ITIH5: variants seen among roughly 807,000 people sequenced by gnomAD.
ITIH5 encodes inter-alpha-trypsin inhibitor heavy chain 5.
ITIH5 carries 65 observed loss-of-function variants against 77.5 expected under a neutral mutation model. The observed-to-expected ratio is 0.84, with a 90% CI of 0.69 to 1.03. The LOEUF (loss-of-function observed/expected upper bound fraction) is 1.03. ITIH5 is among the 50% of genes least tolerant of loss of function. The pLI, the probability that ITIH5 is intolerant of heterozygous loss-of-function variation, is 0.00. For synonymous variants in ITIH5, 525 were observed against 494.3 expected (o/e 1.06, Z -0.82); for missense variants, 1,208 against 1,213.1 (o/e 1.00, Z 0.06).
At chr10:7,596,926 A>T (rs1832910543) in intron 7 of ITIH5, among the ~76,000 whole-genome samples, 1 of 151,552 alleles carries the variant, frequency 6.6e-6, no homozygotes, top group East Asian at 1.9e-4. Context: ...GCATGCCTGT[A>T]ATCCCAGCTA....
chr10:7,569,449 T>C, intron 12 of ITIH5: 2 of 416,128 alleles, frequency 4.8e-6, no homozygotes, highest in Non-Finnish European at 8.5e-6. Context: ...GGGAAACAAC[T>C]CCCAAGGCAT....
At position 7,559,937 on chromosome 10, in the gene ITIH5, C is replaced by T. The variant is rs771546680; in HGVS notation, c.*3146G>A. 31 of 437,502 alleles carry T rather than the reference C, an allele frequency of 7.1e-5. No individual in the cohort carries two copies. Among genetic ancestry groups the T allele is most frequent in the Non-Finnish European group, 1.1e-4 (25 of 220,202 alleles). The allele number at this position is 437,502 out of a possible 1,614,324, so 27.1% of individuals were successfully genotyped here. On this transcript the variant is annotated 3_prime_UTR_variant, in exon 14 of 14. Coordinates refer to ENST00000397146, the MANE Select transcript of ITIH5 (RefSeq NM_030569.7). ...CGTGATCTTGGCTCACTACAAGTTC[C>T]GACTGCCTGGTTCAAGCGATTCTCC...
At chr10:7,602,107 G>C (rs1403567965) in intron 7 of ITIH5, among the ~76,000 whole-genome samples, 3 of 152,126 alleles carry the variant, frequency 2.0e-5, no homozygotes, top group Admixed American at 1.3e-4. Context: ...GCCTGCCTCA[G>C]CCTCCCAAAG....
In ITIH5 at chr10:7,562,997, G is replaced by T. The variant is rs1247516154; in HGVS notation, c.*86C>A. On this transcript the variant is annotated 3_prime_UTR_variant, in exon 14 of 14. Transcript: ENST00000397146. ...AGTCCAGCTAATTGCCAGGAGCTGAGGCGTGTACAAGCCATGAAAAGAGCT... is the reference window on the plus strand; with the variant it reads ...AGTCCAGCTAATTGCCAGGAGCTGATGCGTGTACAAGCCATGAAAAGAGCT... The T allele has an allele frequency of 1.3e-5, 15 of 1,179,300 alleles. No individual in the cohort carries two copies. In the East Asian group the frequency reaches 3.5e-4, roughly 28 times the overall value. 73.1% of individuals were successfully genotyped at this position (1,179,300 alleles called of 1,614,324 possible). A position where few individuals can be genotyped will look rare whatever the true frequency, so the allele number is the denominator to read the frequency against.
At chr10:7,577,063 C>G (rs1214027618) in intron 9 of ITIH5, 51 bp from the exon 10 acceptor site, 11 of 1,497,404 alleles carry the variant, frequency 7.3e-6, no homozygotes, top group Non-Finnish European at 1.0e-5. Context: ...GCTCTGACAG[C>G]AGGCAGGACA....
At chr10:7,615,350 C>G (rs531613850) in intron 7 of ITIH5, among the ~76,000 whole-genome samples, 1 of 152,276 alleles carries the variant, frequency 6.6e-6, no homozygotes, top group South Asian at 2.1e-4. Context: ...GTCTGGCAGC[C>G]AGTAGCTCTG....
intron 2 of ITIH5, among the ~76,000 whole-genome samples, chr10:7,653,253 C>G (rs1174271079): frequency 2.0e-5 from 3 of 152,200 alleles, no homozygotes; most frequent in Admixed American, 6.5e-5. Context: ...GTTGCCCAAG[C>G]TAGAGTGCAG....
chr10:7,597,653 C>A (rs1244972609), intron 7 of ITIH5, among the ~76,000 whole-genome samples: 3 of 151,040 alleles, frequency 2.0e-5, no homozygotes, highest in African/African-American at 7.3e-5. Context: ...CCGTACACAG[C>A]ATGGTCCCAA....
chr10:7,628,717 T>C (rs112210849), intron 5 of ITIH5, among the ~76,000 whole-genome samples: 5 of 132,986 alleles, frequency 3.8e-5, no homozygotes, highest in African/African-American at 8.3e-5. Flanking sequence ...GTCCATGTTG[T>C]AGCGTGTGTC....
At chr10:7,656,366 C>T (rs61834803) in intron 1 of ITIH5, among the ~76,000 whole-genome samples, 65,935 of 151,798 alleles carry the variant, frequency 0.43, 14,470 homozygotes, top group South Asian at 0.48. Context: ...AGGCATGAGC[C>T]GCCAGATCGG....
intron 4 of ITIH5, among the ~76,000 whole-genome samples, chr10:7,639,216 G>A (rs926439541): frequency 2.0e-5 from 3 of 152,170 alleles, no homozygotes; most frequent in African/African-American, 4.8e-5. Context: ...AAGAGACAGG[G>A]TTTTTATAGA....
chr10:7,626,863 C>T (rs574130987), intron 5 of ITIH5, among the ~76,000 whole-genome samples: 1 of 152,290 alleles, frequency 6.6e-6, no homozygotes, highest in East Asian at 1.9e-4. Context: ...TTAGTTATTA[C>T]TTTTGTCTCT....
Position 7,606,682 on chromosome 10 carries a change from C to T in ITIH5, c.939+9300G>A, listed in dbSNP as rs1833132672. 3.3e-5 allele frequency among the ~76,000 whole-genome samples: 5 copies of T among 152,144 alleles called. No individual in the cohort carries two copies. The South Asian group carries it at 1.0e-3, about 32-fold the overall frequency. ...TAATCTGTACACCAAACCCCCTCAA[C>T]ACACAATTTATCCATATAACAAACC... On this transcript the variant is annotated intron_variant, in intron 7 of 13. Transcript: ENST00000397146.
chr10:7,571,328 C>T (rs768098170), intron 11 of ITIH5: 5 of 152,148 alleles, frequency 3.3e-5, no homozygotes, highest in East Asian at 1.9e-4. Context: ...AAAATCCACG[C>T]GTCCTCAAGT....
At chr10:7,589,794 G>C (rs1170231752) in intron 7 of ITIH5, among the ~76,000 whole-genome samples, 1 of 151,886 alleles carries the variant, frequency 6.6e-6, no homozygotes, top group East Asian at 1.9e-4. Flanking sequence ...CCACACCCAA[G>C]GTGTGCCAGC....
chr10:7,622,264 AACT>A (rs1202040801), intron 5 of ITIH5: 1 of 152,232 alleles, frequency 6.6e-6, no homozygotes, highest in African/African-American at 2.4e-5. Flanking sequence ...TATCTTTGCA[AACT>A]ACAGAATACC....
intron 7 of ITIH5, among the ~76,000 whole-genome samples, chr10:7,598,355 C>T (rs551728198): frequency 6.6e-6 from 1 of 152,242 alleles, no homozygotes; most frequent in South Asian, 2.1e-4. Context: ...ATGGCAGAAA[C>T]TAATTAGCTT....
intron 7 of ITIH5, 139 bp from the exon 8 acceptor site, chr10:7,586,208 G>A (rs1174656851): frequency 1.0e-5 from 7 of 690,726 alleles, no homozygotes; most frequent in Non-Finnish European, 1.4e-5. Flanking sequence ...GCACTTGGCT[G>A]AATGTCAAGG....
intron 1 of ITIH5, among the ~76,000 whole-genome samples, chr10:7,662,046 GT>G (rs1225238850): frequency 1.3e-5 from 2 of 152,212 alleles, no homozygotes; most frequent in East Asian, 1.9e-4. Flanking sequence ...AAGTCACCCT[GT>G]TTATTTTATT....
Sources: allele counts gnomAD v4.1 joint callset (sites outside exome capture counted in the v4.1 genomes callset), GRCh38; gene constraint gnomAD v4.1.1; transcripts MANE v1.5; gene names NCBI Gene and HGNC (gene_info 2026-07-23, HGNC 2026-07-21).